The following FSTL5 variants were observed in gnomAD, a reference collection of about 807,000 sequenced individuals.
FSTL5 encodes the protein follistatin like 5.
A neutral mutation model predicts 89.1 loss-of-function variants in FSTL5; 62 were observed. That is an observed-to-expected ratio of 0.70 (90% CI 0.57 to 0.86). The LOEUF (loss-of-function observed/expected upper bound fraction) is 0.86. Among genes scored for constraint, FSTL5 ranks in the 40% least tolerant of loss-of-function variants. FSTL5 has a pLI of 0.00. For synonymous variants in FSTL5, 383 were observed against 346.2 expected (o/e 1.11, Z -1.18); for missense variants, 1,057 against 1,001.6 (o/e 1.06, Z -0.75).
At chr4:161,669,120 A>AT (rs1737000440) in intron 6 of FSTL5, among the ~76,000 whole-genome samples, 1 of 149,282 alleles carries the variant, frequency 6.7e-6, no homozygotes, top group South Asian at 2.1e-4. Context: ...TCAAAAAAAA[A>AT]AAAAAAATAA....
At chr4:161,858,655 C>T (rs1235116035) in intron 4 of FSTL5, among the ~76,000 whole-genome samples, 1 of 152,198 alleles carries the variant, frequency 6.6e-6, no homozygotes, top group Non-Finnish European at 1.5e-5. Context: ...ACAAATCTGA[C>T]TCTTGCTCCA....
intron 6 of FSTL5, among the ~76,000 whole-genome samples, chr4:161,679,181 C>T (rs1224747242): frequency 6.6e-6 from 1 of 151,146 alleles, no homozygotes; most frequent in Non-Finnish European, 1.5e-5. Flanking sequence ...TAGGATAAAA[C>T]TTAAAGAAGA....
intron 11 of FSTL5, among the ~76,000 whole-genome samples, chr4:161,504,197 G>T (rs868813854): frequency 6.6e-6 from 1 of 151,894 alleles, no homozygotes; most frequent in South Asian, 2.1e-4. Context: ...GTTAATGAAT[G>T]CATATTTTAA....
chr4:161,411,257 A>C (rs1270451573), intron 15 of FSTL5, among the ~76,000 whole-genome samples: 4 of 152,174 alleles, frequency 2.6e-5, no homozygotes, highest in Non-Finnish European at 5.9e-5. Flanking sequence ...TACCAGATGC[A>C]CAAAGAAGAA....
intron 2 of FSTL5, among the ~76,000 whole-genome samples, chr4:162,054,363 T>C (rs1335753020): frequency 6.6e-6 from 1 of 151,736 alleles, no homozygotes; most frequent in East Asian, 1.9e-4. Flanking sequence ...GCATTCCACT[T>C]AAAATCAAGA....
chr4:162,104,200 C>T lies in FSTL5; in HGVS notation c.126+7071G>A, dbSNP rs560386309. 2.0e-5 allele frequency among the ~76,000 whole-genome samples: 3 copies of T among 152,326 alleles called. No homozygotes were observed. The East Asian group carries it at 5.8e-4, about 29-fold the overall frequency. On this transcript the variant is annotated intron_variant, in intron 2 of 15. Coordinates refer to ENST00000306100, the MANE Select transcript of FSTL5 (RefSeq NM_020116.5). ...CACTCCCTATTGGGCTAAAGGCTTG[C>T]CATTGTTCCTGCACGGCTAAGTGCC...
intron 7 of FSTL5, among the ~76,000 whole-genome samples, chr4:161,589,904 G>A (rs1156297580): frequency 1.3e-5 from 2 of 151,884 alleles, no homozygotes; most frequent in East Asian, 3.9e-4. Context: ...GAAATTGAAG[G>A]CTAAGACAGA....
At chr4:162,142,047 G>A (rs1732768926) in intron 1 of FSTL5, among the ~76,000 whole-genome samples, 1 of 152,098 alleles carries the variant, frequency 6.6e-6, no homozygotes, top group African/African-American at 2.4e-5. Context: ...TGTATCTAAT[G>A]GGTAGAGGTC....
chr4:161,993,172 C>A (rs187252275), intron 3 of FSTL5, among the ~76,000 whole-genome samples: 4 of 150,840 alleles, frequency 2.7e-5, no homozygotes, highest in Admixed American at 1.3e-4. Context: ...TTTAATAATT[C>A]AGGGATATGG....
At chr4:162,156,935 G>A (rs1489470261) in intron 1 of FSTL5, among the ~76,000 whole-genome samples, 1 of 151,978 alleles carries the variant, frequency 6.6e-6, no homozygotes, top group Admixed American at 6.6e-5. Context: ...AAAAAAAGAT[G>A]GTTTCCCTAT....
intron 3 of FSTL5, among the ~76,000 whole-genome samples, chr4:161,947,187 G>A (rs960481930): frequency 1.3e-5 from 2 of 150,996 alleles, no homozygotes; most frequent in Admixed American, 1.3e-4. Flanking sequence ...ACTGCTTGTG[G>A]TTTGCCTATG....
At chr4:161,782,967 G>T (rs1320859015) in intron 4 of FSTL5, among the ~76,000 whole-genome samples, 2 of 152,008 alleles carry the variant, frequency 1.3e-5, no homozygotes, top group Non-Finnish European at 2.9e-5. Context: ...AACACACTTG[G>T]ATCATATGTG....
intron 3 of FSTL5, among the ~76,000 whole-genome samples, chr4:161,930,007 A>C (rs1734243173): frequency 6.6e-6 from 1 of 151,794 alleles, no homozygotes; most frequent in African/African-American, 2.4e-5. Context: ...CAGATTTTTT[A>C]AGAGCCATAT....
At chr4:161,454,166 C>CAAT (rs1388005040) in intron 15 of FSTL5, among the ~76,000 whole-genome samples, 5 of 152,142 alleles carry the variant, frequency 3.3e-5, no homozygotes, top group African/African-American at 1.2e-4. Context: ...CAAATACGCA[C>CAAT]AATAATCCAA....
chr4:161,846,606 A>G (rs1731377675), intron 4 of FSTL5, among the ~76,000 whole-genome samples: 2 of 152,182 alleles, frequency 1.3e-5, no homozygotes, highest in South Asian at 4.1e-4. Context: ...AATCCACTCT[A>G]CTAATGATTT....
At chr4:161,542,137 T>C (rs1049049048) in intron 9 of FSTL5, among the ~76,000 whole-genome samples, 3 of 152,018 alleles carry the variant, frequency 2.0e-5, no homozygotes, top group African/African-American at 7.2e-5. Context: ...AAAAATTCTG[T>C]ATTGAAATCT....
chr4:162,159,557 G>C (rs1242995204), intron 1 of FSTL5, among the ~76,000 whole-genome samples: 1 of 151,996 alleles, frequency 6.6e-6, no homozygotes, highest in African/African-American at 2.4e-5. Flanking sequence ...AAAGTTCAGA[G>C]TGAAGCTGTT....
At chr4:161,661,389 G>A (rs1291391574) in intron 6 of FSTL5, among the ~76,000 whole-genome samples, 1 of 151,974 alleles carries the variant, frequency 6.6e-6, no homozygotes, top group Non-Finnish European at 1.5e-5. Context: ...TATCAGTAAT[G>A]TTTCCTAATA....
At chr4:161,674,216 T>C (rs972574847) in intron 6 of FSTL5, among the ~76,000 whole-genome samples, 7 of 152,050 alleles carry the variant, frequency 4.6e-5, no homozygotes, top group African/African-American at 1.7e-4. Context: ...CACAAATATA[T>C]ACACATATAT....
Sources: allele counts gnomAD v4.1 joint callset (sites outside exome capture counted in the v4.1 genomes callset), GRCh38; gene constraint gnomAD v4.1.1; transcripts MANE v1.5; gene names NCBI Gene and HGNC (gene_info 2026-07-23, HGNC 2026-07-21).